UBP1: variants seen among roughly 807,000 people sequenced by gnomAD.
UBP1 encodes the protein upstream-binding protein 1.
UBP1 carries 22 observed loss-of-function variants against 76.1 expected under a neutral mutation model. That is an observed-to-expected ratio of 0.29 (90% CI 0.21 to 0.41). UBP1 has a LOEUF of 0.41. Ranked by LOEUF, UBP1 falls within the 10% of genes least tolerant of loss-of-function variation. The pLI, the probability that UBP1 is intolerant of heterozygous loss-of-function variation, is 1.00. For missense variants in UBP1, 436 were observed against 668.1 expected (o/e 0.65, Z 3.83); for synonymous variants, 224 against 237.1 (o/e 0.94, Z 0.51).
At chr3:33,399,883 T>C (rs1167489364) in intron 11 of UBP1, among the ~76,000 whole-genome samples, 1 of 152,142 alleles carries the variant, frequency 6.6e-6, no homozygotes, top group East Asian at 1.9e-4. Flanking sequence ...AAAACAAAAA[T>C]TATTTCAAAA....
intron 8 of UBP1, among the ~76,000 whole-genome samples, chr3:33,405,309 A>T (rs903644474): frequency 1.3e-5 from 2 of 152,216 alleles, no homozygotes; most frequent in Admixed American, 1.3e-4. Flanking sequence ...GATTTAATGA[A>T]TTTTTTGAAT....
At chr3:33,434,312 T>TTTTTG (rs1310485209) in intron 1 of UBP1, among the ~76,000 whole-genome samples, 1 of 145,368 alleles carries the variant, frequency 6.9e-6, no homozygotes, top group African/African-American at 2.6e-5. Flanking sequence ...TTTTTTTTTT[T>TTTTTG]TTTGAGAAAG....
At chr3:33,396,940 C>T in intron 12 of UBP1, 105 bp downstream of exon 12, 1 of 1,017,838 alleles carries the variant, frequency 9.8e-7, no homozygotes, top group Non-Finnish European at 1.5e-6. Flanking sequence ...CGATGGCGCA[C>T]ACAGGCACAC....
At chr3:33,430,103 A>G (rs575576991) in intron 1 of UBP1, among the ~76,000 whole-genome samples, 4 of 152,364 alleles carry the variant, frequency 2.6e-5, no homozygotes, top group African/African-American at 9.6e-5. Context: ...GGGGGGAAAA[A>G]AGTTGTCAGA....
intron 4 of UBP1, 101 bp from the exon 5 acceptor site, chr3:33,411,788 T>C: frequency 1.1e-6 from 1 of 917,800 alleles, no homozygotes; most frequent in Non-Finnish European, 1.7e-6. Flanking sequence ...TGTAACTGCT[T>C]TGAACTCTGT....
intron 4 of UBP1, 141 bp downstream of exon 4, chr3:33,412,581 C>CAA (rs35702863): frequency 8.1e-4 from 404 of 500,488 alleles, no homozygotes; most frequent in Middle Eastern, 1.1e-3. Flanking sequence ...GGCTCTGTCT[C>CAA]AAAAAAAAAA....
intron 14 of UBP1, 88 bp from the exon 15 acceptor site, chr3:33,392,702 A>G (rs2043816810): frequency 1.5e-6 from 2 of 1,294,852 alleles, no homozygotes; most frequent in South Asian, 1.4e-5. Context: ...ATTCTTCTCA[A>G]ACAAACACAG....
At chr3:33,432,958 G>C (rs188153090) in intron 1 of UBP1, among the ~76,000 whole-genome samples, 1 of 152,120 alleles carries the variant, frequency 6.6e-6, no homozygotes, top group Non-Finnish European at 1.5e-5. Flanking sequence ...AAAATGAAGA[G>C]TTTTAAGTTA....
At chr3:33,401,046 T>C in intron 9 of UBP1, 30 bp from the exon 10 acceptor site, 1 of 1,573,208 alleles carries the variant, frequency 6.4e-7, no homozygotes, top group Non-Finnish European at 8.6e-7. Context: ...AAGGAAATGA[T>C]GATTTTTATA....
chr3:33,439,692 C>A (rs2045259504), intron 1 of UBP1, 44 bp downstream of exon 1: 1 of 1,599,844 alleles, frequency 6.3e-7, no homozygotes, highest in East Asian at 2.3e-5. Flanking sequence ...CGCAGGCCTT[C>A]CCCAAGGAGA....
At chr3:33,430,019 A>G (rs187959831) in intron 1 of UBP1, among the ~76,000 whole-genome samples, 6 of 152,362 alleles carry the variant, frequency 3.9e-5, no homozygotes, top group African/African-American at 1.4e-4. Flanking sequence ...AAAAAACAAC[A>G]TAGAGAACTG....
At chr3:33,430,043 G>C (rs565951009) in intron 1 of UBP1, among the ~76,000 whole-genome samples, 15 of 152,288 alleles carry the variant, frequency 9.8e-5, no homozygotes, top group Non-Finnish European at 2.1e-4. Flanking sequence ...AGTAATGGCA[G>C]GCTAAGTAAT....
At position 33,425,584 on chromosome 3, in the gene UBP1, A is replaced by G; in HGVS notation, c.265+6T>C. 1 of 1,526,534 alleles carries G rather than the reference A, an allele frequency of 6.6e-7. No individual in the cohort carries two copies. The highest frequency in any genetic ancestry group is 1.3e-5 in the South Asian group (1 of 78,404). 94.6% of individuals were successfully genotyped at this position (1,526,534 alleles called of 1,614,324 possible). The stretch of plus-strand genomic sequence containing the variant: ...TACATGTCAAATGTGACATAACCAC[A>G]CTAACCTTGGTTCAAATAAGTAAGC... On this transcript the variant is annotated splice_donor_region_variant and intron_variant, in intron 2 of 15. Coordinates refer to ENST00000283629, the MANE Select transcript of UBP1 (RefSeq NM_014517.5).
Position 33,396,990 on chromosome 3 carries a change from C to T in UBP1, c.1271+55G>A, listed in dbSNP as rs1326718767. On this transcript the variant is annotated intron_variant, in intron 12 of 15. Transcript: ENST00000283629. ...TGGAAACACATTCTGCCCAAATTCC[C>T]CACGCGAAGAAAGGTACATTCTTAT... 4.0e-6 allele frequency: 6 copies of T among 1,516,700 alleles called. No homozygotes were observed. In the African/African-American group the frequency reaches 8.2e-5, roughly 21 times the overall value. 94.0% of individuals were successfully genotyped at this position (1,516,700 alleles called of 1,614,324 possible). A position where few individuals can be genotyped will look rare whatever the true frequency, so the allele number is the denominator to read the frequency against.
chr3:33,404,043 T>C (rs961205465), intron 8 of UBP1, among the ~76,000 whole-genome samples: 24 of 152,276 alleles, frequency 1.6e-4, no homozygotes, highest in Admixed American at 1.0e-3. Context: ...CCAGGATAGC[T>C]TGAGCCCAGG....
At chr3:33,412,598 G>T in intron 4 of UBP1, 124 bp downstream of exon 4, 31 of 540,416 alleles carry the variant, frequency 5.7e-5, no homozygotes, top group Non-Finnish European at 8.4e-5. Flanking sequence ...AAAAAAAAAA[G>T]ACACAAAATC....
chr3:33,409,388 C>G (rs377594959), intron 6 of UBP1, 42 bp from the exon 7 acceptor site: 2 of 1,613,892 alleles, frequency 1.2e-6, no homozygotes, highest in Non-Finnish European at 1.7e-6. Flanking sequence ...AGGCTGCAGA[C>G]ACACAGCTTT....
intron 2 of UBP1, among the ~76,000 whole-genome samples, chr3:33,423,338 C>A (rs1559688992): frequency 6.7e-6 from 1 of 149,706 alleles, no homozygotes; most frequent in Non-Finnish European, 1.5e-5. Flanking sequence ...CGTGCCCGGC[C>A]CATATTTTTT....
At position 33,388,781 on chromosome 3, in the gene UBP1, G is replaced by C. The variant is rs1418389133; in HGVS notation, c.*1550C>G. 1.3e-5 allele frequency: 2 copies of C among 152,204 alleles called. No individual in the cohort carries two copies. Among genetic ancestry groups the C allele is most frequent in the African/African-American group, 4.8e-5 (2 of 41,444 alleles). 9.4% of individuals were successfully genotyped at this position (152,204 alleles called of 1,614,324 possible). A position where few individuals can be genotyped will look rare whatever the true frequency, so the allele number is the denominator to read the frequency against. ...TATTTTCAAATCGATGATGAAAATA[G>C]ATCGTGCTTCTTTGTAGCAAATAAT... On this transcript the variant is annotated 3_prime_UTR_variant, in exon 16 of 16. Transcript: ENST00000283629.
Sources: allele counts gnomAD v4.1 joint callset (sites outside exome capture counted in the v4.1 genomes callset), GRCh38; gene constraint gnomAD v4.1.1; transcripts MANE v1.5; gene names NCBI Gene and HGNC (gene_info 2026-07-23, HGNC 2026-07-21).